TTC23L: variants seen among roughly 807,000 people sequenced by gnomAD.
TTC23L encodes tetratricopeptide repeat domain 23 like, also known as tetratricopeptide repeat protein 23-like.
A neutral mutation model predicts 48.1 loss-of-function variants in TTC23L; 42 were observed. The observed-to-expected ratio is 0.87, with a 90% CI of 0.68 to 1.13. The LOEUF (loss-of-function observed/expected upper bound fraction) is 1.13. Ranked by LOEUF, TTC23L falls within the 50% of genes most tolerant of loss-of-function variation. The pLI is 0.00. For synonymous variants in TTC23L, 159 were observed against 157.2 expected, an observed-to-expected ratio of 1.01 and a Z score of -0.09; for missense variants, 391 against 421.0, an observed-to-expected ratio of 0.93 and a Z score of 0.62.
intron 1 of TTC23L, chr5:34,839,500 G>C (rs936522992): frequency 5.5e-6 from 2 of 360,890 alleles, no homozygotes; most frequent in African/African-American, 4.4e-5. Flanking sequence ...TCCTTGAGGG[G>C]CTCAGGGCCG....
exon 3 of TTC23L, chr5:34,845,672 T>G: frequency 6.3e-7 from 1 of 1,597,774 alleles, no homozygotes; most frequent in Non-Finnish European, 8.5e-7. Context: ...AAGGAAAAAA[T>G]GGTAAAACAA....
At chr5:34,881,767 G>GTT (rs562919287) in intron 9 of TTC23L, among the ~76,000 whole-genome samples, 30 of 133,778 alleles carry the variant, frequency 2.2e-4, no homozygotes, top group Admixed American at 3.8e-4. Context: ...TTAGAAGACT[G>GTT]TTTTTTTTTT....
chr5:34,912,403 CCTT>C, the TTC23L span, among the ~76,000 whole-genome samples: 34 of 152,192 alleles, frequency 2.2e-4, no homozygotes, highest in African/African-American at 8.2e-4. Context: ...TATTCAAACT[CCTT>C]CTCCTTACTG....
intron 9 of TTC23L, among the ~76,000 whole-genome samples, chr5:34,884,171 A>T (rs1428176439): frequency 6.6e-6 from 1 of 152,244 alleles, no homozygotes; most frequent in Non-Finnish European, 1.5e-5. Flanking sequence ...ATACTCTGAG[A>T]TGCAGAAAAA....
At chr5:34,857,828 A>G (rs1269928651) in intron 4 of TTC23L, among the ~76,000 whole-genome samples, 1 of 152,228 alleles carries the variant, frequency 6.6e-6, no homozygotes, top group Non-Finnish European at 1.5e-5. Flanking sequence ...TGTTCAAGTC[A>G]TAATGACTAA....
At chr5:34,871,827 G>C (rs6877989) in intron 8 of TTC23L, among the ~76,000 whole-genome samples, 1 of 151,788 alleles carries the variant, frequency 6.6e-6, no homozygotes, top group Non-Finnish European at 1.5e-5. Flanking sequence ...TAAATGTGCA[G>C]AAGTAATTCA....
the TTC23L span, chr5:34,924,925 T>C: frequency 3.7e-6 from 6 of 1,613,760 alleles, no homozygotes; most frequent in Non-Finnish European, 5.1e-6. Context: ...CCAGGGAAGT[T>C]TTGGAGGACC....
intron 2 of TTC23L, among the ~76,000 whole-genome samples, chr5:34,842,551 A>G (rs13165450): frequency 0.25 from 37,884 of 152,102 alleles, 4,846 homozygotes; most frequent in Middle Eastern, 0.32. Flanking sequence ...TGAGCTGTAC[A>G]CAGCCCTCTG....
intron 2 of TTC23L, 118 bp downstream of exon 2, chr5:34,840,857 A>C (rs1758600924): frequency 2.2e-6 from 2 of 924,478 alleles, no homozygotes. Flanking sequence ...GACCAGCCTG[A>C]CCAACATGGT....
the TTC23L span, among the ~76,000 whole-genome samples, chr5:34,912,676 TAACA>T: frequency 1.3e-5 from 2 of 152,096 alleles, no homozygotes. Context: ...AAAATTCCCT[TAACA>T]AATAAAAAAA....
intron 4 of TTC23L, among the ~76,000 whole-genome samples, chr5:34,858,754 T>C (rs917633678): frequency 2.0e-5 from 3 of 152,182 alleles, no homozygotes; most frequent in Non-Finnish European, 4.4e-5. Context: ...GTAGAGTTCA[T>C]GCACTCCACT....
downstream of TTC23L, among the ~76,000 whole-genome samples, chr5:34,904,131 T>TA (rs568744710): frequency 3.4e-3 from 496 of 146,854 alleles, 1 homozygote; most frequent in East Asian, 8.1e-3. Context: ...CCTGGCTAAT[T>TA]AAAAAAAAAA....
At chr5:34,867,242 C>G (rs751518919) in intron 7 of TTC23L, 173 bp downstream of exon 7, 11 of 702,522 alleles carry the variant, frequency 1.6e-5, no homozygotes, top group Non-Finnish European at 2.4e-5. Flanking sequence ...CTTAAATGAC[C>G]AGGCCAGAGA....
intron 3 of TTC23L, among the ~76,000 whole-genome samples, chr5:34,846,707 G>GTGTGTA (rs59410522): frequency 0.053 from 6,825 of 129,578 alleles, 301 homozygotes; most frequent in South Asian, 0.081. Context: ...GTGTGTGTGT[G>GTGTGTA]TATCCATCCT....
intron 2 of TTC23L, among the ~76,000 whole-genome samples, chr5:34,841,358 T>C (rs1758656555): frequency 6.6e-6 from 1 of 152,184 alleles, no homozygotes; most frequent in African/African-American, 2.4e-5. Flanking sequence ...TTAAACGTCT[T>C]AGCTGATTTA....
chr5:34,854,854 C>T (rs969700853), intron 4 of TTC23L, among the ~76,000 whole-genome samples: 1 of 152,134 alleles, frequency 6.6e-6, no homozygotes, highest in Non-Finnish European at 1.5e-5. Context: ...GGTGAACTAC[C>T]TGGGGACATA....
chr5:34,915,691 G>A, the TTC23L span: 331 of 1,540,702 alleles, frequency 2.1e-4, no homozygotes, highest in African/African-American at 4.1e-3. Flanking sequence ...AAATAGGAGC[G>A]AGCGGCAGCG....
intron 4 of TTC23L, among the ~76,000 whole-genome samples, chr5:34,853,327 TG>T (rs1256342369): frequency 1.3e-5 from 2 of 152,118 alleles, no homozygotes; most frequent in Non-Finnish European, 2.9e-5. Context: ...GGTCAGGAGC[TG>T]GAGACCAGCT....
chr5:34,922,747 G>T, the TTC23L span: 2 of 1,613,804 alleles, frequency 1.2e-6, no homozygotes, highest in Non-Finnish European at 1.7e-6. Flanking sequence ...AAGGTTCTCG[G>T]CCCCTTTTGT....
Sources: allele counts gnomAD v4.1 joint callset (sites outside exome capture counted in the v4.1 genomes callset), GRCh38; gene constraint gnomAD v4.1.1; transcripts MANE v1.5; gene names NCBI Gene and HGNC (gene_info 2026-07-23, HGNC 2026-07-21).